The following STK33 variants were observed in gnomAD, a reference collection of about 807,000 sequenced individuals.
The protein encoded by STK33 is serine/threonine kinase 33, also known as serine/threonine-protein kinase 33.
A neutral mutation model predicts 58.0 loss-of-function variants in STK33; 52 were observed. The observed-to-expected ratio is 0.90, with a 90% CI of 0.72 to 1.13. The LOEUF (loss-of-function observed/expected upper bound fraction) is 1.13. STK33 is among the 50% of genes most tolerant of loss of function. The pLI is 0.00. For synonymous variants in STK33, 215 were observed against 200.1 expected (o/e 1.07, Z -0.63); for missense variants, 630 against 604.2 (o/e 1.04, Z -0.45).
rs1403596088 is a variant in STK33 at position 8,485,893 on chromosome 11, A to G, written c.-465-5279T>C. 2.0e-5 allele frequency among the ~76,000 whole-genome samples: 3 copies of G among 152,224 alleles called. No homozygotes were observed. The East Asian group carries it at 5.8e-4, about 29-fold the overall frequency. On this transcript the variant is annotated intron_variant, in intron 1 of 15. Transcript: ENST00000687296. ...GTTCTAAATAGCTATTGAAATAGATAGCTTTATTAACTAAATAATGCAAAC... is the reference window on the plus strand; with the variant it reads ...GTTCTAAATAGCTATTGAAATAGATGGCTTTATTAACTAAATAATGCAAAC...
At chr11:8,510,465 G>C (rs1277432021) in intron 1 of STK33, among the ~76,000 whole-genome samples, 2 of 152,104 alleles carry the variant, frequency 1.3e-5, no homozygotes, top group Non-Finnish European at 2.9e-5. Context: ...TGTTTACTCT[G>C]TTGATTATTT....
At chr11:8,443,141 A>G (rs1591095787) in intron 11 of STK33, among the ~76,000 whole-genome samples, 1 of 152,314 alleles carries the variant, frequency 6.6e-6, no homozygotes, top group East Asian at 1.9e-4. Context: ...AAGTACAAAA[A>G]CAATGTGTCA....
the STK33 span, among the ~76,000 whole-genome samples, chr11:8,359,629 G>A: frequency 6.6e-6 from 1 of 152,198 alleles, no homozygotes; most frequent in African/African-American, 2.4e-5. Flanking sequence ...GGTGAGACAA[G>A]TGAGGATTTC....
chr11:8,528,570 A>C (rs1376411618), intron 1 of STK33, among the ~76,000 whole-genome samples: 1 of 152,238 alleles, frequency 6.6e-6, no homozygotes, highest in Non-Finnish European at 1.5e-5. Context: ...TAGGTCAATG[A>C]TATCTATCAG....
intron 11 of STK33, among the ~76,000 whole-genome samples, chr11:8,444,139 T>C (rs541828129): frequency 7.4e-4 from 113 of 152,284 alleles, no homozygotes; most frequent in African/African-American, 2.6e-3. Flanking sequence ...GAAAAGCCCA[T>C]TGGGAGCTTT....
At chr11:8,458,275 G>A (rs1429811259) in intron 8 of STK33, among the ~76,000 whole-genome samples, 1 of 152,096 alleles carries the variant, frequency 6.6e-6, no homozygotes, top group African/African-American at 2.4e-5. Flanking sequence ...TGCTGTAGCA[G>A]GAGAAAGCAG....
chr11:8,477,139 T>TACAAACAC (rs1949351018), intron 3 of STK33, 111 bp downstream of exon 3: 1 of 141,158 alleles, frequency 7.1e-6, no homozygotes, highest in African/African-American at 2.6e-5. Flanking sequence ...CCACTCAAAA[T>TACAAACAC]ACACACACAC....
chr11:8,375,688 T>A, the STK33 span, among the ~76,000 whole-genome samples: 1 of 152,150 alleles, frequency 6.6e-6, no homozygotes, highest in Admixed American at 6.5e-5. Flanking sequence ...GCTGTTTTCA[T>A]GATAGTGAGT....
chr11:8,504,791 C>T (rs917977117), intron 1 of STK33, among the ~76,000 whole-genome samples: 1 of 151,880 alleles, frequency 6.6e-6, no homozygotes, highest in Admixed American at 6.6e-5. Flanking sequence ...GAGCAAGACC[C>T]TGTCCCTAAA....
Position 8,479,137 on chromosome 11 carries a change from G to A in STK33, c.-261+1273C>T, listed in dbSNP as rs189703272. On this transcript the variant is annotated intron_variant, in intron 2 of 15. Coordinates refer to ENST00000687296, the MANE Select transcript of STK33 (RefSeq NM_001352389.2). Reference sequence around the variant, plus strand: ...ACAGTTAAAAGCGAGAACAGAGGCCGGGTGCGGTGGCTCACGCCTGTAATC... The same window carrying A: ...ACAGTTAAAAGCGAGAACAGAGGCCAGGTGCGGTGGCTCACGCCTGTAATC... Among the ~76,000 whole-genome samples the A allele has an allele frequency of 4.1e-3, 619 of 152,250 alleles. 2 individuals are homozygous for A. Among genetic ancestry groups the A allele is most frequent in the Non-Finnish European group, 6.3e-3 (431 of 68,018 alleles).
At chr11:8,427,238 T>C (rs1002518711) in intron 14 of STK33, among the ~76,000 whole-genome samples, 2 of 152,188 alleles carry the variant, frequency 1.3e-5, no homozygotes, top group African/African-American at 4.8e-5. Flanking sequence ...TTTGAATAGA[T>C]ATAACATTTT....
At position 8,489,257 on chromosome 11, in the gene STK33, C is replaced by CAA. The variant is rs377017514; in HGVS notation, c.-465-8645_-465-8644dup. Among the ~76,000 whole-genome samples, 125 of 64,124 alleles carry CAA rather than the reference C, an allele frequency of 1.9e-3. 1 individual carries two copies. Among genetic ancestry groups the CAA allele is most frequent in the East Asian group, 4.1e-3 (12 of 2,930 alleles). The allele number at this position is 64,124 out of a possible 152,430, so 42.1% of individuals were successfully genotyped here. On this transcript the variant is annotated intron_variant, in intron 1 of 15. Transcript: ENST00000687296. Reference sequence around the variant, plus strand: ...GGGTGACAAAGCAAGAAGCTATCTCCAAAAAAAAAAAAAAGAAAAAAAAAA... The same window carrying CAA: ...GGGTGACAAAGCAAGAAGCTATCTCCAAAAAAAAAAAAAAAAGAAAAAAAAAA...
At chr11:8,504,771 G>A (rs1240045090) in intron 1 of STK33, among the ~76,000 whole-genome samples, 2 of 151,994 alleles carry the variant, frequency 1.3e-5, no homozygotes, top group East Asian at 1.9e-4. Context: ...GTATTCCAGC[G>A]TGGGTGACAG....
intron 14 of STK33, among the ~76,000 whole-genome samples, chr11:8,420,098 G>A (rs556132666): frequency 1.1e-4 from 17 of 152,112 alleles, no homozygotes; most frequent in African/African-American, 2.4e-4. Flanking sequence ...GTGAGCCACC[G>A]TGCCCAGCCT....
In STK33 at chr11:8,542,283, A is replaced by G. The variant is rs1955581272; in HGVS notation, c.-466+51800T>C. 3.3e-5 allele frequency among the ~76,000 whole-genome samples: 5 copies of G among 152,336 alleles called. No individual in the cohort carries two copies. The South Asian group carries it at 1.0e-3, about 32-fold the overall frequency. On this transcript the variant is annotated intron_variant, in intron 1 of 15. Transcript: ENST00000687296. ...ACATGTCATTACGAAACCTAAGTCA[A>G]TTTTCAGATAGGGCACTGACCAGGA...
the STK33 span, among the ~76,000 whole-genome samples, chr11:8,360,875 G>T: frequency 6.6e-6 from 1 of 152,156 alleles, no homozygotes; most frequent in Non-Finnish European, 1.5e-5. Context: ...TGCTTTTAAA[G>T]GTCTCACTTG....
intron 1 of STK33, among the ~76,000 whole-genome samples, chr11:8,553,167 A>AACATAT (rs1956425923): frequency 1.5e-5 from 1 of 68,192 alleles, no homozygotes; most frequent in Admixed American, 2.2e-4. Flanking sequence ...CCAAAAATAA[A>AACATAT]ATATATATAT....
chr11:8,485,732 A>G (rs1950152431), intron 1 of STK33, among the ~76,000 whole-genome samples: 1 of 152,218 alleles, frequency 6.6e-6, no homozygotes, highest in African/African-American at 2.4e-5. Context: ...GCTTTTGCCA[A>G]ATGAACAGTA....
chr11:8,521,529 GA>G lies in STK33; in HGVS notation c.-465-40916del, dbSNP rs1953434888. 2.6e-5 allele frequency among the ~76,000 whole-genome samples: 4 copies of G among 152,252 alleles called. No homozygotes were observed. The South Asian group carries it at 8.3e-4, about 32-fold the overall frequency. ...ACCTAAAACCATAAAAACCCTAGAA[GA>G]AAACCTAGCCAATACCATTAAGGAT... On this transcript the variant is annotated intron_variant, in intron 1 of 15. Transcript: ENST00000687296.
Sources: allele counts gnomAD v4.1 joint callset (sites outside exome capture counted in the v4.1 genomes callset), GRCh38; gene constraint gnomAD v4.1.1; transcripts MANE v1.5; gene names NCBI Gene and HGNC (gene_info 2026-07-23, HGNC 2026-07-21).